KCNK2: variants seen among roughly 807,000 people sequenced by gnomAD.
KCNK2 encodes potassium two pore domain channel subfamily K member 2.
In KCNK2, 21 loss-of-function variants were observed where a neutral mutation model predicts 40.5. The ratio of observed to expected loss-of-function variants is 0.52; its 90% CI spans 0.37 to 0.75. The LOEUF is 0.75. Ranked by LOEUF, KCNK2 falls within the 30% of genes least tolerant of loss-of-function variation. KCNK2 has a pLI of 0.00. For missense variants in KCNK2, 399 were observed against 531.6 expected (o/e 0.75, Z 2.45); for synonymous variants, 191 against 202.2 (o/e 0.94, Z 0.47).
intron 6 of KCNK2, among the ~76,000 whole-genome samples, chr1:215,198,116 CTAGT>C (rs1476743482): frequency 1.3e-5 from 2 of 152,294 alleles, no homozygotes; most frequent in Non-Finnish European, 2.9e-5. Flanking sequence ...TGTTTTCATG[CTAGT>C]TAAACATTGC....
Position 215,083,215 on chromosome 1 carries a change from C to T in KCNK2, c.-171C>T, listed in dbSNP as rs1394917035. 6 of 1,348,288 alleles carry T rather than the reference C, an allele frequency of 4.5e-6. No individual in the cohort carries two copies. The highest frequency in any genetic ancestry group is 5.0e-6 in the Non-Finnish European group (5 of 991,288). The allele number at this position is 1,348,288 out of a possible 1,614,324, so 83.5% of individuals were successfully genotyped here. A position where few individuals can be genotyped will look rare whatever the true frequency, so the allele number is the denominator to read the frequency against. ...ACGCTCCCCCCCCCGCCCCCTCCCG[C>T]GTCCAGCCCCGCTCTCCCCACCTTG... On this transcript the variant is annotated 5_prime_UTR_variant, in exon 1 of 7. Transcript: ENST00000444842.
At chr1:215,165,662 T>C (rs1363790619) in intron 3 of KCNK2, among the ~76,000 whole-genome samples, 1 of 152,174 alleles carries the variant, frequency 6.6e-6, no homozygotes, top group Non-Finnish European at 1.5e-5. Context: ...ATGAAGTATG[T>C]AGTAACAATA....
At chr1:215,077,600 C>G (rs959231993) in intron 1 of KCNK2, among the ~76,000 whole-genome samples, 1 of 152,012 alleles carries the variant, frequency 6.6e-6, no homozygotes, top group African/African-American at 2.4e-5. Flanking sequence ...ATCCAGGTCT[C>G]ATTAATTAAA....
chr1:215,175,484 T>A (rs1279843690), intron 5 of KCNK2, among the ~76,000 whole-genome samples: 7 of 152,146 alleles, frequency 4.6e-5, no homozygotes, highest in African/African-American at 1.2e-4. Flanking sequence ...ATATTTTGAT[T>A]TTTTTCTTAA....
chr1:215,208,514 AAAAAC>A (rs1371089302), intron 6 of KCNK2, among the ~76,000 whole-genome samples: 1 of 152,174 alleles, frequency 6.6e-6, no homozygotes, highest in Non-Finnish European at 1.5e-5. Flanking sequence ...ATAAAAGTTT[AAAAAC>A]AAAACAAAAA....
chr1:215,012,520 T>G (rs1656439306), intron 1 of KCNK2, among the ~76,000 whole-genome samples: 1 of 151,888 alleles, frequency 6.6e-6, no homozygotes, highest in Admixed American at 6.6e-5. Context: ...TCACCCAGAT[T>G]GGAGTGAAGT....
At chr1:215,169,100 A>G (rs1355762335) in intron 3 of KCNK2, 99 bp from the exon 4 acceptor site, 1 of 828,828 alleles carries the variant, frequency 1.2e-6, no homozygotes, top group Non-Finnish European at 1.9e-6. Context: ...AAAATCAATT[A>G]TTGATATCTT....
At chr1:215,067,064 C>T (rs975598850) in intron 1 of KCNK2, among the ~76,000 whole-genome samples, 10 of 152,100 alleles carry the variant, frequency 6.6e-5, no homozygotes, top group South Asian at 2.1e-4. Flanking sequence ...AAGAAAAAAA[C>T]GAACGGGGTG....
At chr1:215,164,267 C>A (rs1272409221) in intron 3 of KCNK2, among the ~76,000 whole-genome samples, 1 of 152,024 alleles carries the variant, frequency 6.6e-6, no homozygotes, top group African/African-American at 2.4e-5. Flanking sequence ...GTGGTGATAT[C>A]CCCTTTATCA....
intron 1 of KCNK2, among the ~76,000 whole-genome samples, chr1:215,029,637 A>G (rs1053473473): frequency 2.0e-5 from 3 of 147,784 alleles, no homozygotes; most frequent in Non-Finnish European, 3.0e-5. Flanking sequence ...GAATATAAAT[A>G]TTGATATATT....
At chr1:215,185,133 A>AT (rs5780817) in intron 5 of KCNK2, among the ~76,000 whole-genome samples, 114,236 of 151,296 alleles carry the variant, frequency 0.76, 43,478 homozygotes, top group Non-Finnish European at 0.77. Context: ...AAATCTGTTA[A>AT]TTTTTTTTTA....
Position 215,050,500 on chromosome 1 carries a change from T to C in KCNK2, c.35-35868T>C, listed in dbSNP as rs73088250. 3.9e-3 allele frequency among the ~76,000 whole-genome samples: 590 copies of C among 152,254 alleles called. 4 individuals are homozygous for C. The highest frequency in any genetic ancestry group is 0.014 in the African/African-American group (561 of 41,546). ...AAATAGATAAAGTTCCTGTACTTCG[T>C]TCATTCATATTTTAGTAGAGGAACA... On this transcript the variant is annotated intron_variant, in intron 1 of 6. Coordinates refer to the KCNK2 transcript ENST00000391895.
intron 3 of KCNK2, among the ~76,000 whole-genome samples, chr1:215,149,613 A>G (rs374405840): frequency 6.6e-6 from 1 of 152,320 alleles, no homozygotes; most frequent in East Asian, 1.9e-4. Flanking sequence ...CTGAATTACT[A>G]AAGGGAGGAA....
chr1:215,202,528 T>C (rs897412993), intron 6 of KCNK2, among the ~76,000 whole-genome samples: 31 of 152,358 alleles, frequency 2.0e-4, no homozygotes, highest in African/African-American at 7.0e-4. Flanking sequence ...AGCAGTCATT[T>C]CTGCAGAACC....
chr1:215,213,942 T>A (rs977385969), intron 6 of KCNK2, among the ~76,000 whole-genome samples: 21 of 152,200 alleles, frequency 1.4e-4, no homozygotes, highest in African/African-American at 4.8e-4. Flanking sequence ...TTTATCCTAC[T>A]GTCCATTTGT....
intron 2 of KCNK2, among the ~76,000 whole-genome samples, chr1:215,097,659 T>A (rs1197738928): frequency 6.6e-6 from 1 of 152,028 alleles, no homozygotes; most frequent in Non-Finnish European, 1.5e-5. Context: ...CTAGAAGGTG[T>A]CAATTCCTTT....
intron 3 of KCNK2, among the ~76,000 whole-genome samples, chr1:215,165,825 TA>T (rs780816947): frequency 1.3e-4 from 20 of 152,092 alleles, no homozygotes; most frequent in Middle Eastern, 3.4e-3. Flanking sequence ...CTCAATGAAG[TA>T]TGTAATAACA....
intron 6 of KCNK2, among the ~76,000 whole-genome samples, chr1:215,210,118 T>C (rs1239867758): frequency 8.2e-6 from 1 of 122,114 alleles, no homozygotes; most frequent in Non-Finnish European, 1.6e-5. Context: ...ATACATACTA[T>C]ATATAAATAT....
upstream of KCNK2, among the ~76,000 whole-genome samples, chr1:215,078,781 C>G (rs980715460): frequency 6.6e-6 from 1 of 152,128 alleles, no homozygotes; most frequent in Non-Finnish European, 1.5e-5. Flanking sequence ...TGTATTATCT[C>G]CATTTTATAG....
Sources: gnomAD v4.1 joint callset for allele counts (sites outside exome capture counted in the v4.1 genomes callset) on GRCh38, gnomAD v4.1.1 for gene constraint, MANE v1.5 for transcripts, NCBI Gene and HGNC (gene_info 2026-07-23, HGNC 2026-07-21) for gene names.